The following PTPRN2 variants were observed in gnomAD, a reference collection of about 807,000 sequenced individuals.
PTPRN2 encodes the protein protein tyrosine phosphatase receptor type N2.
PTPRN2 carries 74 observed loss-of-function variants against 118.8 expected under a neutral mutation model. That is an observed-to-expected ratio of 0.62 (90% confidence interval 0.52 to 0.76). The LOEUF (loss-of-function observed/expected upper bound fraction) is 0.76. PTPRN2 is among the 30% of genes least tolerant of loss of function. The pLI, the probability that PTPRN2 is intolerant of heterozygous loss-of-function variation, is 0.00. For missense variants in PTPRN2, 1,481 were observed against 1,394.4 expected (o/e 1.06, Z -0.99); for synonymous variants, 641 against 608.0 (o/e 1.05, Z -0.80).
In PTPRN2 at chr7:158,044,365, G is replaced by A. The variant is rs540680766; in HGVS notation, c.1723+36933C>T. Among the ~76,000 whole-genome samples the A allele has an allele frequency of 2.6e-5, 4 of 152,280 alleles. No individual in the cohort carries two copies. The South Asian group carries it at 8.3e-4, about 32-fold the overall frequency. On this transcript the variant is annotated intron_variant, in intron 11 of 22. Transcript: ENST00000389418. Reference sequence around the variant, plus strand: ...CCTCACTGCTGCTGAATCTGTACAGGACTCTGGGGCCCCTTCTCCCCGCAC... The same window carrying A: ...CCTCACTGCTGCTGAATCTGTACAGAACTCTGGGGCCCCTTCTCCCCGCAC...
rs1810193692 is a variant in PTPRN2, at chr7:157,861,029, T to C, written c.1788+37644A>G. 6.6e-6 allele frequency among the ~76,000 whole-genome samples: 1 copy of C among 151,690 alleles called. No homozygotes were observed. On this transcript the variant is annotated intron_variant, in intron 12 of 22. Transcript: ENST00000389418. This position sits in a 1 kb window ranked among gnomAD's most constrained non-coding sequence, Gnocchi z 5.8. The stretch of plus-strand genomic sequence containing the variant: ...CCCAGTCCAGGGAGCTGTGGAGAGG[T>C]GGGGGGCAGGGTGACCTTCTCTTTC...
At chr7:158,375,764 G>C (rs1387720498) in intron 2 of PTPRN2, among the ~76,000 whole-genome samples, 1 of 151,982 alleles carries the variant, frequency 6.6e-6, no homozygotes, top group East Asian at 1.9e-4. Context: ...GGGAAGGAGA[G>C]AAGAGAAGGA....
intron 12 of PTPRN2, among the ~76,000 whole-genome samples, chr7:157,817,630 G>A (rs969369853): frequency 1.3e-5 from 2 of 152,218 alleles, no homozygotes; most frequent in Non-Finnish European, 2.9e-5. Context: ...GGACACACCC[G>A]ACCTGCACAA....
chr7:157,888,252 C>G (rs751795575), intron 12 of PTPRN2, among the ~76,000 whole-genome samples: 1 of 152,010 alleles, frequency 6.6e-6, no homozygotes, highest in Non-Finnish European at 1.5e-5. Context: ...TGGTGTGACC[C>G]AGCATTACCA....
At chr7:157,856,523 G>A (rs542859381) in intron 12 of PTPRN2, among the ~76,000 whole-genome samples, 11 of 152,204 alleles carry the variant, frequency 7.2e-5, no homozygotes, top group Non-Finnish European at 1.3e-4. Flanking sequence ...GTTTGCCGCA[G>A]ACAACCAGCA....
At position 157,610,113 on chromosome 7, in the gene PTPRN2, C is replaced by T. The variant is rs928559013; in HGVS notation, c.2345-6038G>A. On this transcript the variant is annotated intron_variant, in intron 15 of 22. Transcript: ENST00000389418. The surrounding 1 kb of genome is among the most constrained non-coding windows in gnomAD (Gnocchi z 5.1). ...CTTGCTGTCCACACTCAGGAAGCTG[C>T]TCTGCAGGGCCAAGAATCTGCCTCC... 2.0e-5 allele frequency among the ~76,000 whole-genome samples: 3 copies of T among 152,204 alleles called. No homozygotes were observed. The highest frequency in any genetic ancestry group is 7.2e-5 in the African/African-American group (3 of 41,452).
At chr7:158,150,792 CCT>C (rs1820932255) in intron 6 of PTPRN2, among the ~76,000 whole-genome samples, 2 of 152,044 alleles carry the variant, frequency 1.3e-5, no homozygotes, top group African/African-American at 4.8e-5. Context: ...ACCCAGCACT[CCT>C]CTCCCTCCGT....
At chr7:158,080,906 A>C (rs1421005563) in intron 11 of PTPRN2, among the ~76,000 whole-genome samples, 1 of 151,912 alleles carries the variant, frequency 6.6e-6, no homozygotes, top group Non-Finnish European at 1.5e-5. Flanking sequence ...AAAATGAAAA[A>C]CCTCAAAGCA....
chr7:157,748,759 G>T (rs1184566490), intron 12 of PTPRN2, among the ~76,000 whole-genome samples: 9 of 116,824 alleles, frequency 7.7e-5, no homozygotes, highest in South Asian at 6.8e-4. Flanking sequence ...GTGATTCTGA[G>T]GCCTGCGTCC....
At chr7:158,204,589 C>A (rs542015681) in intron 4 of PTPRN2, among the ~76,000 whole-genome samples, 1 of 151,988 alleles carries the variant, frequency 6.6e-6, no homozygotes, top group African/African-American at 2.4e-5. Flanking sequence ...CCGACAGTGC[C>A]AGCTTTCTTA....
chr7:157,945,066 G>A lies in PTPRN2; in HGVS notation c.1724-46329C>T, dbSNP rs76488356. ...TCCTGCTCTCACCGAGTCAGGCCTCGGACCAGCCCCTGTGTGAGATGGAGA... is the reference window on the plus strand; with the variant it reads ...TCCTGCTCTCACCGAGTCAGGCCTCAGACCAGCCCCTGTGTGAGATGGAGA... On this transcript the variant is annotated intron_variant, in intron 11 of 22. Transcript: ENST00000389418. Among the ~76,000 whole-genome samples the A allele has an allele frequency of 5.7e-3, 867 of 152,192 alleles. 11 individuals are homozygous for A. The highest frequency in any genetic ancestry group is 0.02 in the African/African-American group (815 of 41,522).
intron 12 of PTPRN2, among the ~76,000 whole-genome samples, chr7:157,800,237 G>T (rs1026500600): frequency 2.0e-5 from 3 of 152,206 alleles, no homozygotes; most frequent in African/African-American, 7.2e-5. Context: ...TTTCTCCCCG[G>T]GGTCTTTCCA....
intron 12 of PTPRN2, among the ~76,000 whole-genome samples, chr7:157,885,796 G>C (rs1189137406): frequency 6.6e-6 from 1 of 152,152 alleles, no homozygotes; most frequent in Non-Finnish European, 1.5e-5. Flanking sequence ...GTGCGACCTG[G>C]CCTGAGTCAG....
At chr7:158,312,307 CACAG>C (rs1410823651) in intron 3 of PTPRN2, among the ~76,000 whole-genome samples, 333 of 29,820 alleles carry the variant, frequency 0.011, 4 homozygotes, top group African/African-American at 0.028. Context: ...CATGTGCTCA[CACAG>C]ACACCCACAC....
At chr7:158,494,147 A>G (rs2129445715) in intron 1 of PTPRN2, among the ~76,000 whole-genome samples, 1 of 152,370 alleles carries the variant, frequency 6.6e-6, no homozygotes, top group South Asian at 2.1e-4. Context: ...TTGTGGAAAT[A>G]CAGTAAATGT....
intron 2 of PTPRN2, among the ~76,000 whole-genome samples, chr7:158,376,272 C>A (rs1024376898): frequency 6.6e-6 from 1 of 151,688 alleles, no homozygotes; most frequent in Non-Finnish European, 1.5e-5. Context: ...GGGACTCCCC[C>A]ACAGCCCTGT....
chr7:158,356,096 T>C (rs1808365690), intron 2 of PTPRN2, among the ~76,000 whole-genome samples: 1 of 152,224 alleles, frequency 6.6e-6, no homozygotes, highest in Admixed American at 6.5e-5. Flanking sequence ...TCTTCTTGGC[T>C]GTCTTTATGG....
intron 6 of PTPRN2, among the ~76,000 whole-genome samples, chr7:158,151,091 AAACCGCCCG>A (rs1821012895): frequency 3.6e-4 from 3 of 8,244 alleles, no homozygotes; most frequent in African/African-American, 6.1e-4. Context: ...CTGCCTGCCC[AAACCGCCCG>A]CCTTTCTGCT....
Position 157,784,449 on chromosome 7 carries a change from C to T in PTPRN2, c.1789-101512G>A, listed in dbSNP as rs1013001090. On this transcript the variant is annotated intron_variant, in intron 12 of 22. Transcript: ENST00000389418. The surrounding 1 kb of genome is among the most constrained non-coding windows in gnomAD (Gnocchi z 4.6). ...CGCCCACAAGGCTCAGGGCTGGGTC[C>T]AGCCTCACCTGCAAAAGCTGTGGCT... Among the ~76,000 whole-genome samples the T allele has an allele frequency of 4.6e-5, 7 of 152,222 alleles. No individual in the cohort carries two copies. Among genetic ancestry groups the T allele is most frequent in the Non-Finnish European group, 1.0e-4 (7 of 68,048 alleles).
Sources: gnomAD v4.1 joint callset for allele counts (sites outside exome capture counted in the v4.1 genomes callset) on GRCh38, gnomAD v4.1.1 for gene constraint, Gnocchi (gnomAD v3.1) non-coding constraint, MANE v1.5 for transcripts, NCBI Gene and HGNC (gene_info 2026-07-23, HGNC 2026-07-21) for gene names.